Variants in DAB1 observed in about 807,000 individuals in gnomAD.
DAB1 encodes disabled homolog 1.
Under a neutral mutation model 64.6 loss-of-function variants are expected in DAB1, and 15 were observed. The ratio of observed to expected loss-of-function variants is 0.23; its 90% confidence interval spans 0.16 to 0.36. DAB1 has a LOEUF of 0.36. Among genes scored for constraint, DAB1 ranks in the 10% least tolerant of loss-of-function variants. DAB1 has a pLI of 1.00. For missense variants in DAB1, 596 were observed against 706.7 expected (o/e 0.84, Z 1.78); for synonymous variants, 235 against 251.9 (o/e 0.93, Z 0.64).
chr1:58,402,529 C>T (rs1042906089), intron 3 of DAB1, among the ~76,000 whole-genome samples: 1 of 151,650 alleles, frequency 6.6e-6, no homozygotes, highest in African/African-American at 2.4e-5. Flanking sequence ...GAGAGAAGAA[C>T]GTGAATAAAA....
At chr1:58,178,660 G>C (rs1002146943) in intron 4 of DAB1, among the ~76,000 whole-genome samples, 1 of 152,184 alleles carries the variant, frequency 6.6e-6, no homozygotes, top group Admixed American at 6.5e-5. Context: ...TTTCTAAAAA[G>C]GGACAGATAG....
intron 1 of DAB1, among the ~76,000 whole-genome samples, chr1:57,832,700 G>C (rs554050396): frequency 1.3e-3 from 205 of 152,322 alleles, no homozygotes; most frequent in African/African-American, 4.7e-3. Flanking sequence ...CAATTTCTGG[G>C]GGGGCAAAGA....
At position 57,590,735 on chromosome 1, in the gene DAB1, AACACACACACAC is replaced by A. The variant is rs58957864; in HGVS notation, n.625+58845_625+58856del. ...TGGGAAGGAACACATTGTAGTCCGT[AACACACACACAC>A]ACACACACACACACACACACACACA... On this transcript the variant is annotated intron_variant and non_coding_transcript_variant, in intron 7 of 20. Coordinates refer to the DAB1 transcript ENST00000485760. 7.6e-3 allele frequency among the ~76,000 whole-genome samples: 1,012 copies of A among 132,412 alleles called. 7 individuals are homozygous for A. Among genetic ancestry groups the A allele is most frequent in the African/African-American group, 0.023 (819 of 34,856 alleles). The allele number at this position is 132,412 out of a possible 152,430, so 86.9% of individuals were successfully genotyped here.
intron 1 of DAB1, chr1:57,307,375 ACAGGTACTGC>A (rs574704098): frequency 1.0e-4 from 16 of 152,430 alleles, no homozygotes; most frequent in African/African-American, 3.8e-4. Context: ...CAGCCCTAGT[ACAGGTACTGC>A]CACCCTGAAT....
chr1:57,891,245 C>G (rs776805072), intron 5 of DAB1, among the ~76,000 whole-genome samples: 24 of 152,136 alleles, frequency 1.6e-4, no homozygotes, highest in African/African-American at 4.8e-4. Context: ...ATGCGGCCAA[C>G]AAACATGAAA....
intron 6 of DAB1, among the ~76,000 whole-genome samples, chr1:57,676,262 C>A (rs2101690625): frequency 6.6e-6 from 1 of 152,262 alleles, no homozygotes; most frequent in Non-Finnish European, 1.5e-5. Flanking sequence ...GACACCAGGG[C>A]CCTTTCCATT....
At chr1:57,798,503 C>T (rs890096766) in intron 6 of DAB1, among the ~76,000 whole-genome samples, 3 of 152,174 alleles carry the variant, frequency 2.0e-5, no homozygotes, top group African/African-American at 7.2e-5. Flanking sequence ...TTTCACACCT[C>T]CCCCAACTAC....
At chr1:57,418,939 A>C (rs1411884479) in intron 1 of DAB1, among the ~76,000 whole-genome samples, 1 of 152,174 alleles carries the variant, frequency 6.6e-6, no homozygotes, top group Admixed American at 6.5e-5. Context: ...TTGCTCTCCA[A>C]TCAGAGGGAA....
chr1:57,306,100 T>C lies in DAB1; in HGVS notation c.-136-14934A>G, dbSNP rs142577853. On this transcript the variant is annotated intron_variant, in intron 1 of 14. Transcript: ENST00000371236. ...CTTCTTTACAATCTGGGAAGGTAAGTATGATTATTCCCATTTTGTAGTGGT... is the reference window on the plus strand; with the variant it reads ...CTTCTTTACAATCTGGGAAGGTAAGCATGATTATTCCCATTTTGTAGTGGT... 2.5e-3 allele frequency among the ~76,000 whole-genome samples: 379 copies of C among 152,316 alleles called. 1 individual carries two copies. Among genetic ancestry groups the C allele is most frequent in the African/African-American group, 8.8e-3 (366 of 41,556 alleles).
intron 4 of DAB1, among the ~76,000 whole-genome samples, chr1:58,326,922 G>C (rs897658486): frequency 3.3e-5 from 5 of 152,170 alleles, no homozygotes; most frequent in African/African-American, 1.2e-4. Context: ...GATTTTTAAA[G>C]TACTAAATTA....
At chr1:57,636,463 CTT>C (rs1646058798) in intron 7 of DAB1, among the ~76,000 whole-genome samples, 1 of 152,172 alleles carries the variant, frequency 6.6e-6, no homozygotes, top group Non-Finnish European at 1.5e-5. Flanking sequence ...AAAGGATACT[CTT>C]GTGTGTAAAA....
At chr1:58,116,795 G>A (rs989515910) in intron 5 of DAB1, among the ~76,000 whole-genome samples, 2 of 152,154 alleles carry the variant, frequency 1.3e-5, no homozygotes, top group South Asian at 4.1e-4. Flanking sequence ...GGTAACAGCT[G>A]CAAGCAAGCA....
At chr1:57,870,805 G>A (rs1037998092) in intron 1 of DAB1, among the ~76,000 whole-genome samples, 1 of 152,060 alleles carries the variant, frequency 6.6e-6, no homozygotes, top group Non-Finnish European at 1.5e-5. Context: ...GAACCATATC[G>A]GTTTGTATCC....
At position 57,918,882 on chromosome 1, in the gene DAB1, G is replaced by GGC. The variant is rs1480992742; in HGVS notation, n.388-34721_388-34720insGC. On this transcript the variant is annotated intron_variant and non_coding_transcript_variant, in intron 5 of 20. Transcript: ENST00000485760. Reference sequence around the variant, plus strand: ...AGAGGATCTGCCCCTGTGACACAAAGACCTCCACTAGGCCCCACTTCCCAA... The same window carrying GGC: ...AGAGGATCTGCCCCTGTGACACAAAGGCACCTCCACTAGGCCCCACTTCCCAA... Among the ~76,000 whole-genome samples the GGC allele has an allele frequency of 4.0e-5, 6 of 151,730 alleles. No individual in the cohort carries two copies. The South Asian group carries it at 1.0e-3, about 26-fold the overall frequency.
At position 58,530,804 on chromosome 1, in the gene DAB1, A is replaced by G. The variant is rs141343143; in HGVS notation, n.33-3469T>C. The G allele has an allele frequency of 8.8e-5, 68 of 771,730 alleles. No homozygotes were observed. The African/African-American group carries it at 9.5e-4, about 11-fold the overall frequency. The allele number at this position is 771,730 out of a possible 1,614,324, so 47.8% of individuals were successfully genotyped here. On this transcript the variant is annotated intron_variant and non_coding_transcript_variant, in intron 1 of 20. Transcript: ENST00000485760. ...ATATGCTTACATTTTCTAGTTCATC[A>G]TGTGTTACAATTACCTGACCTTCTC...
At chr1:58,448,406 A>C (rs1417004096) in intron 3 of DAB1, among the ~76,000 whole-genome samples, 1 of 152,240 alleles carries the variant, frequency 6.6e-6, no homozygotes, top group Non-Finnish European at 1.5e-5. Context: ...TTTTACAATA[A>C]GAAAACTGAG....
At chr1:57,471,055 G>T (rs1687117346) in intron 7 of DAB1, among the ~76,000 whole-genome samples, 1 of 152,170 alleles carries the variant, frequency 6.6e-6, no homozygotes, top group Non-Finnish European at 1.5e-5. Flanking sequence ...CAAAATAATT[G>T]ATCTGCAGCA....
intron 7 of DAB1, among the ~76,000 whole-genome samples, chr1:57,629,807 C>G (rs1470013654): frequency 6.7e-6 from 1 of 148,348 alleles, no homozygotes. Flanking sequence ...ACCCACGGAG[C>G]AAAGAGATAT....
intron 2 of DAB1, among the ~76,000 whole-genome samples, chr1:57,175,033 G>A (rs1280682998): frequency 2.0e-5 from 3 of 152,104 alleles, no homozygotes; most frequent in Non-Finnish European, 4.4e-5. Context: ...CAGAGCACAC[G>A]GACTCAGAAG....
Sources: allele counts gnomAD v4.1 joint callset (sites outside exome capture counted in the v4.1 genomes callset), GRCh38; gene constraint gnomAD v4.1.1; transcripts MANE v1.5; gene names NCBI Gene and HGNC (gene_info 2026-07-23, HGNC 2026-07-21).